The following CACNA1D variants were observed in gnomAD, a reference collection of about 807,000 sequenced individuals.
The protein encoded by CACNA1D is calcium voltage-gated channel subunit alpha1 D, also known as voltage-dependent L-type calcium channel subunit alpha-1D.
In CACNA1D, 55 loss-of-function variants were observed where a neutral mutation model predicts 257.1. That is an observed-to-expected ratio of 0.21 (90% confidence interval 0.17 to 0.27). The LOEUF (loss-of-function observed/expected upper bound fraction) is 0.27, where lower values mean the gene tolerates loss of function less well. Ranked by LOEUF, CACNA1D falls within the 10% of genes least tolerant of loss-of-function variation. The probability of loss-of-function intolerance (pLI) is 1.00; values close to 1 mark genes in which losing one functional copy is unlikely to be tolerated. For missense variants in CACNA1D, 1,876 were observed against 2,784.0 expected (o/e 0.67, Z 7.34); for synonymous variants, 980 against 1,014.9 (o/e 0.97, Z 0.65).
chr3:53,723,521 C>T lies in CACNA1D; in HGVS notation c.1754C>T (p.Ser585Phe). 6.2e-7 allele frequency: 1 copy of T among 1,614,108 alleles called. No individual in the cohort carries two copies. The highest frequency in any genetic ancestry group is 8.5e-7 in the Non-Finnish European group (1 of 1,180,016). ...YSLGLQAYFV[S>F]LFNRFDCFVV... ...TTGGGCCTCCAAGCATATTTCGTCT[C>T]TCTTTTCAACCGGTTTGATTGCTTC... Residue 585 changes from serine to phenylalanine, a missense_variant, in exon 13 of 48, where the codon TCT becomes TTT. Ser to Phe is a radical substitution (Grantham distance 155). Transcript: ENST00000350061. This position sits in a 1 kb window ranked among gnomAD's most constrained non-coding sequence, Gnocchi z 5.6.
At chr3:53,534,830 G>C (rs1279642005) in intron 3 of CACNA1D, among the ~76,000 whole-genome samples, 2 of 152,298 alleles carry the variant, frequency 1.3e-5, no homozygotes, top group Admixed American at 1.3e-4. Flanking sequence ...AGACTTGGCT[G>C]TCAGCGCCGG....
At chr3:53,795,947 G>A (rs543141953) in intron 40 of CACNA1D, among the ~76,000 whole-genome samples, 1 of 152,230 alleles carries the variant, frequency 6.6e-6, no homozygotes, top group South Asian at 2.1e-4. Context: ...CTAACAGAGC[G>A]CCAGGATCCC....
chr3:53,803,949 C>T (rs570304309), intron 44 of CACNA1D, among the ~76,000 whole-genome samples: 11 of 152,196 alleles, frequency 7.2e-5, no homozygotes, highest in South Asian at 4.2e-4. Flanking sequence ...GTGTGGACGG[C>T]GGCTTGGCCA....
rs368539023 is a variant in CACNA1D, at chr3:53,761,940, C to T, written c.3787-58C>T. On this transcript the variant is annotated intron_variant, in intron 29 of 47. Transcript: ENST00000350061. ...GACTCGGATTCGCCCCTATACGGTCCGTGTGGTGGGTCATTCATACATGCT... is the reference window on the plus strand; with the variant it reads ...GACTCGGATTCGCCCCTATACGGTCTGTGTGGTGGGTCATTCATACATGCT... 828 of 1,217,466 alleles carry T rather than the reference C, an allele frequency of 6.8e-4. 5 individuals are homozygous for T. In the African/African-American group the frequency reaches 9.1e-3, roughly 13 times the overall value. The allele number at this position is 1,217,466 out of a possible 1,614,324, so 75.4% of individuals were successfully genotyped here. A position where few individuals can be genotyped will look rare whatever the true frequency, so the allele number is the denominator to read the frequency against.
intron 3 of CACNA1D, among the ~76,000 whole-genome samples, chr3:53,563,167 C>A (rs1336067198): frequency 6.6e-6 from 1 of 152,194 alleles, no homozygotes; most frequent in East Asian, 1.9e-4. Context: ...ACACCTTTCA[C>A]TCCTTTGGGT....
At chr3:53,704,679 C>T (rs2094667526) in intron 9 of CACNA1D, among the ~76,000 whole-genome samples, 1 of 152,220 alleles carries the variant, frequency 6.6e-6, no homozygotes, top group Non-Finnish European at 1.5e-5. Flanking sequence ...TTTTCCCCTT[C>T]ACTTGCAAAC....
In CACNA1D at chr3:53,744,727, G is replaced by T; in HGVS notation, c.2919-13G>T. The stretch of plus-strand genomic sequence containing the variant: ...AACACGCTCTGCCTGCCGTCTTTCT[G>T]CTCCTTCCCTAGATCCAGTGCCATC... On this transcript the variant is annotated splice_polypyrimidine_tract_variant and intron_variant, in intron 22 of 47. Transcript: ENST00000350061. The T allele has an allele frequency of 6.6e-7, 1 of 1,519,168 alleles. No homozygotes were observed. The highest frequency in any genetic ancestry group is 9.1e-7 in the Non-Finnish European group (1 of 1,093,324). The allele number at this position is 1,519,168 out of a possible 1,614,324, so 94.1% of individuals were successfully genotyped here.
chr3:53,795,618 A>G (rs1287111119), intron 40 of CACNA1D, among the ~76,000 whole-genome samples: 1 of 152,248 alleles, frequency 6.6e-6, no homozygotes, highest in African/African-American at 2.4e-5. Context: ...TAAAGATGCT[A>G]TCAGAACAGA....
At chr3:53,674,162 T>C (rs2094351499) in intron 8 of CACNA1D, 1 of 420,640 alleles carries the variant, frequency 2.4e-6, no homozygotes, top group African/African-American at 2.0e-5. Flanking sequence ...TTGTGTCTAT[T>C]AGTACATAAC....
chr3:53,556,532 C>A (rs1190129106), intron 3 of CACNA1D, among the ~76,000 whole-genome samples: 1 of 151,988 alleles, frequency 6.6e-6, no homozygotes, highest in African/African-American at 2.4e-5. Context: ...TATTTGCCAC[C>A]TGTTTATTAT....
chr3:53,799,066 T>A (rs1049941561), intron 40 of CACNA1D, among the ~76,000 whole-genome samples: 4 of 152,186 alleles, frequency 2.6e-5, no homozygotes, highest in African/African-American at 9.7e-5. Flanking sequence ...TTGCTGCACA[T>A]CCATTGTCTT....
intron 23 of CACNA1D, among the ~76,000 whole-genome samples, 164 bp downstream of exon 23, chr3:53,744,991 T>A (rs2095153958): frequency 6.6e-6 from 1 of 152,242 alleles, no homozygotes; most frequent in Admixed American, 6.5e-5. Context: ...AATGGCATTT[T>A]AAAAATTATT....
chr3:53,792,368 T>A (rs1044815068), intron 40 of CACNA1D: 1 of 152,184 alleles, frequency 6.6e-6, no homozygotes, highest in African/African-American at 2.4e-5. Context: ...GTGGCCAGTT[T>A]GGGTTTTAAG....
intron 3 of CACNA1D, among the ~76,000 whole-genome samples, chr3:53,546,723 A>G (rs1202303407): frequency 6.6e-6 from 1 of 152,190 alleles, no homozygotes; most frequent in African/African-American, 2.4e-5. Context: ...CATTTCTGTG[A>G]TTATTACTAA....
At chr3:53,514,042 G>C (rs915770690) in intron 3 of CACNA1D, among the ~76,000 whole-genome samples, 1 of 152,078 alleles carries the variant, frequency 6.6e-6, no homozygotes, top group East Asian at 1.9e-4. Context: ...GTTTATACCT[G>C]TTGTTAAGCT....
intron 35 of CACNA1D, among the ~76,000 whole-genome samples, chr3:53,776,318 G>T (rs1219362175): frequency 6.6e-6 from 1 of 152,224 alleles, no homozygotes; most frequent in African/African-American, 2.4e-5. Context: ...TTCAAAGCCA[G>T]TGCATATGGT....
chr3:53,565,238 C>G (rs1310269194), intron 3 of CACNA1D, among the ~76,000 whole-genome samples: 1 of 152,118 alleles, frequency 6.6e-6, no homozygotes, highest in Non-Finnish European at 1.5e-5. Flanking sequence ...ATCAGTAAGT[C>G]AAGTCCTTCC....
In CACNA1D at chr3:53,523,724, A is replaced by G. The variant is rs151079695; in HGVS notation, c.483+22004A>G. On this transcript the variant is annotated intron_variant, in intron 3 of 47. Coordinates refer to ENST00000350061, the MANE Select transcript of CACNA1D (RefSeq NM_001128840.3). The stretch of plus-strand genomic sequence containing the variant: ...CCCCCTTTGCCACTCTCATAATTAG[A>G]AGGTATTAAGAAACCTTTCAATTAC... Among the ~76,000 whole-genome samples, 802 of 152,372 alleles carry G rather than the reference A, an allele frequency of 5.3e-3. 2 individuals are homozygous for G. The highest frequency in any genetic ancestry group is 8.1e-3 in the Non-Finnish European group (551 of 68,038).
intron 3 of CACNA1D, among the ~76,000 whole-genome samples, chr3:53,515,092 G>A (rs532426431): frequency 4.9e-4 from 75 of 152,292 alleles, no homozygotes; most frequent in African/African-American, 1.6e-3. Context: ...TAATGGTCAG[G>A]ATCTGATTCT....
Sources: gnomAD v4.1 joint callset for allele counts (sites outside exome capture counted in the v4.1 genomes callset) on GRCh38, gnomAD v4.1.1 for gene constraint, Gnocchi (gnomAD v3.1) non-coding constraint, MANE v1.5 for transcripts, NCBI Gene and HGNC (gene_info 2026-07-23, HGNC 2026-07-21) for gene names.